Variants in RIBC2 observed in about 807,000 individuals in gnomAD.
RIBC2 encodes the protein RIB43A domain with coiled-coils 2.
RIBC2 carries 40 observed loss-of-function variants against 44.3 expected under a neutral mutation model. The observed-to-expected ratio is 0.90, with a 90% CI of 0.70 to 1.18. The LOEUF is 1.18. Among genes scored for constraint, RIBC2 ranks in the 50% most tolerant of loss-of-function variants. RIBC2 has a pLI of 0.00. For missense variants in RIBC2, 459 were observed against 485.5 expected (o/e 0.95, Z 0.51); for synonymous variants, 171 against 175.0 (o/e 0.98, Z 0.18).
At chr22:45,421,734 C>T (rs1036381196) in intron 3 of RIBC2, among the ~76,000 whole-genome samples, 20 of 151,786 alleles carry the variant, frequency 1.3e-4, no homozygotes, top group South Asian at 4.2e-4. Context: ...TGTGAGCCTC[C>T]TCTGACTCCA....
At chr22:45,414,254 A>G (rs1213784681) in intron 1 of RIBC2, 68 bp from the exon 2 acceptor site, 1 of 1,512,750 alleles carries the variant, frequency 6.6e-7, no homozygotes, top group East Asian at 2.5e-5. Flanking sequence ...AATAATAATA[A>G]GTAGGATTGT....
chr22:45,414,466 C>A, intron 2 of RIBC2, 63 bp downstream of exon 2: 2 of 1,049,892 alleles, frequency 1.9e-6, no homozygotes, highest in Non-Finnish European at 2.7e-6. Context: ...CTCCAGTCTT[C>A]CCCACCGTCC....
At chr22:45,422,899 C>T (rs1031869928) in intron 4 of RIBC2, among the ~76,000 whole-genome samples, 17 of 151,940 alleles carry the variant, frequency 1.1e-4, no homozygotes, top group Admixed American at 1.1e-3. Flanking sequence ...AAACTCTGGC[C>T]CCCCTCCTCC....
At chr22:45,414,579 A>T (rs1346025019) in intron 2 of RIBC2, among the ~76,000 whole-genome samples, 176 bp downstream of exon 2, 1 of 151,296 alleles carries the variant, frequency 6.6e-6, no homozygotes, top group Non-Finnish European at 1.5e-5. Context: ...CGTGCAAGTG[A>T]TCCTCCCACG....
intron 3 of RIBC2, among the ~76,000 whole-genome samples, 180 bp from the exon 4 acceptor site, chr22:45,422,110 C>A (rs1434953616): frequency 6.6e-6 from 1 of 152,184 alleles, no homozygotes; most frequent in Admixed American, 6.5e-5. Flanking sequence ...TAGTAGTGAT[C>A]ACTAGCACTC....
chr22:45,431,215 T>C (rs1482080639), intron 6 of RIBC2, 149 bp downstream of exon 6: 1 of 954,320 alleles, frequency 1.0e-6, no homozygotes, highest in African/African-American at 1.7e-5. Context: ...GTGGGCTGGC[T>C]TGGGTTGACA....
chr22:45,415,186 C>CA (rs1331758708), intron 2 of RIBC2, among the ~76,000 whole-genome samples: 1 of 84,276 alleles, frequency 1.2e-5, no homozygotes, highest in Non-Finnish European at 2.4e-5. Context: ...CCCATCTCTA[C>CA]AAAAAATAAA....
At chr22:45,416,309 G>A (rs1216465540) in intron 2 of RIBC2, among the ~76,000 whole-genome samples, 1 of 151,708 alleles carries the variant, frequency 6.6e-6, no homozygotes, top group African/African-American at 2.4e-5. Context: ...CTGCTGCAAT[G>A]ACTGTCCAAG....
intron 3 of RIBC2, chr22:45,418,178 A>G (rs987000905): frequency 1.5e-5 from 6 of 406,134 alleles, no homozygotes; most frequent in Non-Finnish European, 2.6e-5. Context: ...AACACCTGCA[A>G]TGACACCTCA....
chr22:45,416,620 C>T (rs2087427550), intron 2 of RIBC2, among the ~76,000 whole-genome samples: 1 of 151,944 alleles, frequency 6.6e-6, no homozygotes. Context: ...TGCCACCAAG[C>T]CCAGCTAATT....
At position 45,417,853 on chromosome 22, in the gene RIBC2, G is replaced by A; in HGVS notation, c.463G>A (p.Glu155Lys). The A allele has an allele frequency of 6.2e-7, 1 of 1,614,096 alleles. No individual in the cohort carries two copies. The highest frequency in any genetic ancestry group is 8.5e-7 in the Non-Finnish European group (1 of 1,180,000). Reference protein sequence around the residue: ...KFMGEDLNFHERKKFQEEQNR... With the variant: ...KFMGEDLNFHKRKKFQEEQNR... The stretch of plus-strand genomic sequence containing the variant: ...CATGGGAGAGGATTTAAACTTCCAT[G>A]AGAGGAAGAAATTCCAAGAGGAACA... The change falls in exon 3 of 7, where the codon GAG becomes AAG. Residue 155 changes from glutamate to lysine, a missense_variant. Glu to Lys is a moderately conservative substitution (Grantham distance 56). Coordinates refer to ENST00000614167, the MANE Select transcript of RIBC2 (RefSeq NM_015653.5).
At position 45,421,535 on chromosome 22, in the gene RIBC2, TTAATAATATTAA is replaced by T. The variant is rs1194278875; in HGVS notation, c.557-746_557-735del. Among the ~76,000 whole-genome samples the T allele has an allele frequency of 7.1e-3, 248 of 34,704 alleles. 7 individuals carry two copies. The highest frequency in any genetic ancestry group is 0.046 in the African/African-American group (233 of 5,084). 22.8% of individuals were successfully genotyped at this position (34,704 alleles called of 152,430 possible). A position where few individuals can be genotyped will look rare whatever the true frequency, so the allele number is the denominator to read the frequency against. ...ATTATTAATAATAATAATAGTATTA[TTAATAATATTAA>T]TAATAATAATAGTATTATTAATAAT... is the stretch of plus-strand genomic sequence containing the variant. On this transcript the variant is annotated intron_variant, in intron 3 of 6. Coordinates refer to ENST00000614167, the MANE Select transcript of RIBC2 (RefSeq NM_015653.5).
intron 4 of RIBC2, among the ~76,000 whole-genome samples, chr22:45,425,325 T>C (rs1182296372): frequency 1.3e-5 from 2 of 152,158 alleles, no homozygotes; most frequent in Non-Finnish European, 2.9e-5. Context: ...GCCCTGTCCA[T>C]GTGTTACTGA....
At chr22:45,423,364 G>A (rs529571413) in intron 4 of RIBC2, among the ~76,000 whole-genome samples, 1 of 152,066 alleles carries the variant, frequency 6.6e-6, no homozygotes, top group South Asian at 2.1e-4. Flanking sequence ...CTGGTGGGTG[G>A]GGACTTTGCC....
At chr22:45,415,744 G>C (rs1056354448) in intron 2 of RIBC2, among the ~76,000 whole-genome samples, 4 of 151,972 alleles carry the variant, frequency 2.6e-5, no homozygotes, top group African/African-American at 9.7e-5. Context: ...CTGTCTTCCA[G>C]GCTGGAGAGC....
At chr22:45,420,318 G>A (rs1270234202) in intron 3 of RIBC2, among the ~76,000 whole-genome samples, 1 of 152,036 alleles carries the variant, frequency 6.6e-6, no homozygotes, top group Non-Finnish European at 1.5e-5. Context: ...TCTCCTCCAG[G>A]GCTGTGCTAA....
At chr22:45,417,427 A>G (rs950215806) in intron 2 of RIBC2, among the ~76,000 whole-genome samples, 175 bp from the exon 3 acceptor site, 4 of 152,162 alleles carry the variant, frequency 2.6e-5, no homozygotes, top group African/African-American at 4.8e-5. Flanking sequence ...GCTCACTTCT[A>G]TAATCCCAGT....
intron 3 of RIBC2, 114 bp downstream of exon 3, chr22:45,418,060 T>A (rs2146875738): frequency 1.3e-6 from 1 of 741,180 alleles, no homozygotes; most frequent in Non-Finnish European, 2.1e-6. Context: ...TAAGCAACCC[T>A]ACAGTTTTTG....
chr22:45,417,940 TGC>T lies in RIBC2; in HGVS notation c.553_554del (p.Ala185ArgfsTer12), dbSNP rs773416699. ...GAAGAACGCCCGTGCTGAACAAAAA[TGC>T]GCAGGTAATGAAACAGAAGAGACGA... ...EWKNARAEQK[C>X]AEALYTETRL... is the part of the protein sequence containing the mutation. On this transcript the variant is annotated frameshift_variant, in exon 3 of 7. Transcript: ENST00000614167. LOFTEE classifies it high-confidence loss of function. 1.3e-5 allele frequency: 20 copies of T among 1,593,276 alleles called. No homozygotes were observed. The highest frequency in any genetic ancestry group is 1.7e-5 in the Non-Finnish European group (20 of 1,169,306).
Sources: gnomAD v4.1 joint callset for allele counts (sites outside exome capture counted in the v4.1 genomes callset) on GRCh38, gnomAD v4.1.1 for gene constraint, MANE v1.5 for transcripts, NCBI Gene and HGNC (gene_info 2026-07-23, HGNC 2026-07-21) for gene names.